SH3YL1: variants seen among roughly 807,000 people sequenced by gnomAD.
The protein encoded by SH3YL1 is SH3 and SYLF domain containing 1.
SH3YL1 carries 41 observed loss-of-function variants against 45.8 expected under a neutral mutation model. The observed-to-expected ratio is 0.89, with a 90% confidence interval of 0.70 to 1.16. The LOEUF is 1.16. Ranked by LOEUF, SH3YL1 falls within the 50% of genes most tolerant of loss-of-function variation. The probability of loss-of-function intolerance (pLI) is 0.00; values close to 1 mark genes in which losing one functional copy is unlikely to be tolerated. For missense variants in SH3YL1, 389 were observed against 409.6 expected (o/e 0.95, Z 0.43); for synonymous variants, 152 against 151.4 (o/e 1.00, Z -0.03).
chr2:250,345 CA>C (rs1435747312), intron 2 of SH3YL1, among the ~76,000 whole-genome samples: 1 of 152,176 alleles, frequency 6.6e-6, no homozygotes, highest in Non-Finnish European at 1.5e-5. Flanking sequence ...GATTCAAAAA[CA>C]GAAAAATTAA....
rs1558247946 is a variant in SH3YL1 at position 247,607 on chromosome 2, TA to T, written c.227-6del. ...TGGCTGAGGGTGCAGACCATTCTAA[TA>T]AAAAAACAAACGAACGTTATCCTAA... On this transcript the variant is annotated splice_polypyrimidine_tract_variant and splice_region_variant and intron_variant, in intron 3 of 9. Transcript: ENST00000356150. 5 of 1,548,028 alleles carry T rather than the reference TA, an allele frequency of 3.2e-6. No individual in the cohort carries two copies. The Admixed American group carries it at 8.0e-5, about 25-fold the overall frequency.
At chr2:243,426 A>G in intron 4 of SH3YL1, 1 of 1,393,632 alleles carries the variant, frequency 7.2e-7, no homozygotes, top group African/African-American at 1.5e-5. Flanking sequence ...CTCTTAAATA[A>G]CAAATGGCTC....
intron 8 of SH3YL1, 192 bp downstream of exon 8, chr2:229,774 G>T: frequency 2.6e-6 from 1 of 387,910 alleles, no homozygotes; most frequent in Non-Finnish European, 4.8e-6. Flanking sequence ...AATAGAAAGA[G>T]AAGTTTTCAT....
At chr2:222,986 G>A (rs1384092327) in intron 9 of SH3YL1, 1 of 152,216 alleles carries the variant, frequency 6.6e-6, no homozygotes, top group African/African-American at 2.4e-5. Context: ...AACGTAAAGT[G>A]AGTTTTATTT....
At chr2:230,969 C>A (rs775577731) in intron 7 of SH3YL1, 54 bp downstream of exon 7, 3 of 1,562,306 alleles carry the variant, frequency 1.9e-6, no homozygotes, top group Non-Finnish European at 1.8e-6. Flanking sequence ...ACAGAATGTT[C>A]TACAGAAAGA....
At chr2:247,178 C>T (rs1486490402) in intron 4 of SH3YL1, among the ~76,000 whole-genome samples, 1 of 152,240 alleles carries the variant, frequency 6.6e-6, no homozygotes, top group African/African-American at 2.4e-5. Flanking sequence ...TGATGATGCA[C>T]TGCCCACGTA....
Position 233,211 on chromosome 2 carries a change from C to A in SH3YL1, c.423G>T (p.Val141=), listed in dbSNP as rs11544681. The A allele has an allele frequency of 1.4e-5, 22 of 1,575,686 alleles. No individual in the cohort carries two copies. The highest frequency in any genetic ancestry group is 1.9e-5 in the Non-Finnish European group (22 of 1,159,856). The part of the protein sequence containing the change: ...GPLGRNLEGN[V]ALRSSAAVFT... ...AGACGGCAGCGGAGCTTCTCAGGGCCACGTTTCCTTCCAAGTTCCTGCAAA... is the reference window on the plus strand; with the variant it reads ...AGACGGCAGCGGAGCTTCTCAGGGCAACGTTTCCTTCCAAGTTCCTGCAAA... Residue 141 remains valine (V), a synonymous_variant, in exon 6 of 10, where the codon GTG becomes GTT. Coordinates refer to ENST00000356150, the MANE Select transcript of SH3YL1 (RefSeq NM_015677.4).
chr2:237,933 C>A (rs949414457), intron 4 of SH3YL1, among the ~76,000 whole-genome samples: 3 of 152,152 alleles, frequency 2.0e-5, no homozygotes, highest in African/African-American at 4.8e-5. Flanking sequence ...GGGGAAGCTG[C>A]GGGAGAGAAA....
At chr2:253,640 T>C (rs1376714779) in intron 1 of SH3YL1, among the ~76,000 whole-genome samples, 2 of 152,220 alleles carry the variant, frequency 1.3e-5, no homozygotes, top group South Asian at 2.1e-4. Flanking sequence ...TAGCATATAA[T>C]TGAAAAACAA....
chr2:219,003 T>C lies in SH3YL1; in HGVS notation c.839-2A>G, dbSNP rs760046972. 5 of 1,599,850 alleles carry C rather than the reference T, an allele frequency of 3.1e-6. No homozygotes were observed. The South Asian group carries it at 5.7e-5, about 18-fold the overall frequency. Reference sequence around the variant, plus strand: ...CTTCTATGGGTTGATTCAAATTGCCTGAAACAAGAAAAAAGTATTCACGTT... The same window carrying C: ...CTTCTATGGGTTGATTCAAATTGCCCGAAACAAGAAAAAAGTATTCACGTT... On this transcript the variant is annotated splice_acceptor_variant, in intron 9 of 9. Coordinates refer to ENST00000356150, the MANE Select transcript of SH3YL1 (RefSeq NM_015677.4). LOFTEE classifies it high-confidence loss of function.
intron 1 of SH3YL1, among the ~76,000 whole-genome samples, chr2:257,198 G>T (rs186252351): frequency 1.3e-5 from 2 of 152,052 alleles, no homozygotes; most frequent in Non-Finnish European, 2.9e-5. Context: ...TTTCTCTGTT[G>T]ATAGTTTCTT....
chr2:221,061 C>T (rs184143002), intron 9 of SH3YL1, among the ~76,000 whole-genome samples: 22 of 150,244 alleles, frequency 1.5e-4, no homozygotes, highest in Admixed American at 8.6e-4. Flanking sequence ...CCTCTTACAC[C>T]GCCCACTGCA....
rs377422969 is a variant in SH3YL1 at position 233,229 on chromosome 2, C to A, written c.405G>T (p.Arg135Ser). The A allele has an allele frequency of 2.8e-5, 44 of 1,562,984 alleles. No homozygotes were observed. The highest frequency in any genetic ancestry group is 3.4e-5 in the Non-Finnish European group (39 of 1,154,082). The change falls in exon 6 of 10, where the codon AGG (arginine) becomes AGT (serine). Residue 135 changes from arginine (R) to serine (S), a missense_variant and splice_region_variant. Arg to Ser is a moderately radical substitution (Grantham distance 110). Coordinates refer to ENST00000356150, the MANE Select transcript of SH3YL1 (RefSeq NM_015677.4). ...NLTVAVGPLG[R>S]NLEGNVALRS... is the part of the protein sequence containing the mutation. ...TCAGGGCCACGTTTCCTTCCAAGTTCCTGCAAAGCACAAGATTTTGCATCA... is the reference window on the plus strand; with the variant it reads ...TCAGGGCCACGTTTCCTTCCAAGTTACTGCAAAGCACAAGATTTTGCATCA...
chr2:243,504 C>T (rs7556816), intron 4 of SH3YL1: 516,943 of 1,532,996 alleles, frequency 0.34, 90,699 homozygotes, highest in East Asian at 0.6. Flanking sequence ...ACAACATACC[C>T]ACACTTATGG....
At position 218,802 on chromosome 2, in the gene SH3YL1, G is replaced by C; in HGVS notation, c.*9C>G. Reference sequence around the variant, plus strand: ...TTTGTAATTCTCAAAGAAGAAAATAGTATACGCTTTAATTCATGGTTACGT... The same window carrying C: ...TTTGTAATTCTCAAAGAAGAAAATACTATACGCTTTAATTCATGGTTACGT... On this transcript the variant is annotated 3_prime_UTR_variant, in exon 10 of 10. Coordinates refer to ENST00000356150, the MANE Select transcript of SH3YL1 (RefSeq NM_015677.4). 1 of 1,598,564 alleles carries C rather than the reference G, an allele frequency of 6.3e-7. No individual in the cohort carries two copies. Among genetic ancestry groups the C allele is most frequent in the Non-Finnish European group, 8.5e-7 (1 of 1,170,602 alleles).
At chr2:240,488 A>G (rs1668495547) in intron 4 of SH3YL1, 1 of 152,224 alleles carries the variant, frequency 6.6e-6, no homozygotes, top group Admixed American at 6.5e-5. Flanking sequence ...TGAGGTATTT[A>G]GCTCCATGAC....
Position 253,048 on chromosome 2 carries a change from G to A in SH3YL1, c.69C>T (p.Phe23=). ...GTCCATTTCTGGAAGTTATTTCTGTGAATTCTCTTAATATTTTGGCAGCCT... is the reference window on the plus strand; with the variant it reads ...GTCCATTTCTGGAAGTTATTTCTGTAAATTCTCTTAATATTTTGGCAGCCT... ...AKKAAKILRE[F]TEITSRNGPD... is the part of the protein sequence containing the mutation. The change falls in exon 2 of 10, where the codon TTC becomes TTT. Residue 23 remains phenylalanine (F), a synonymous_variant. Coordinates refer to ENST00000356150, the MANE Select transcript of SH3YL1 (RefSeq NM_015677.4). 6.5e-7 allele frequency: 1 copy of A among 1,550,244 alleles called. No individual in the cohort carries two copies.
At chr2:243,376 A>G (rs1237409865) in intron 4 of SH3YL1, 2 of 951,012 alleles carry the variant, frequency 2.1e-6, no homozygotes, top group Non-Finnish European at 3.0e-6. Context: ...GACAAGATAA[A>G]TTTGGGAAAT....
chr2:221,050 T>C (rs1346641223), intron 9 of SH3YL1, among the ~76,000 whole-genome samples: 1 of 118,100 alleles, frequency 8.5e-6, no homozygotes, highest in Non-Finnish European at 1.9e-5. Context: ...ACACATGTGC[T>C]CCTCTTACAC....
Sources: gnomAD v4.1 joint callset for allele counts (sites outside exome capture counted in the v4.1 genomes callset) on GRCh38, gnomAD v4.1.1 for gene constraint, MANE v1.5 for transcripts, NCBI Gene and HGNC (gene_info 2026-07-23, HGNC 2026-07-21) for gene names.